Variants in CELF2 observed in about 807,000 individuals in gnomAD.
CELF2 encodes CUGBP Elav-like family member 2.
CELF2 carries 8 observed loss-of-function variants against 62.6 expected under a neutral mutation model. The ratio of observed to expected loss-of-function variants is 0.13; its 90% CI spans 0.07 to 0.23. CELF2 has a LOEUF of 0.23. CELF2 is among the 10% of genes least tolerant of loss of function. CELF2 has a pLI of 1.00. For synonymous variants in CELF2, 258 were observed against 250.0 expected (o/e 1.03, Z -0.30); for missense variants, 333 against 671.0 (o/e 0.50, Z 5.56).
intron 2 of CELF2, among the ~76,000 whole-genome samples, chr10:10,991,352 G>A (rs1213079061): frequency 6.6e-6 from 1 of 152,138 alleles, no homozygotes; most frequent in Non-Finnish European, 1.5e-5. Context: ...CTGATGACAG[G>A]CCTATGAGGC....
intron 1 of CELF2, among the ~76,000 whole-genome samples, chr10:10,913,261 T>C (rs2063971051): frequency 6.6e-6 from 1 of 152,116 alleles, no homozygotes; most frequent in East Asian, 1.9e-4. Context: ...TTAGATTTTG[T>C]TTAACAGAGA....
In CELF2 at chr10:11,237,691, A is replaced by G. The variant is rs1189402677; in HGVS notation, c.355-11462A>G. On this transcript the variant is annotated intron_variant, in intron 3 of 12. Coordinates refer to ENST00000633077, the MANE Select transcript of CELF2 (RefSeq NM_001326342.2). The surrounding 1 kb of genome is among the most constrained non-coding windows in gnomAD (Gnocchi z 4.0). ...GGGGCTTTGTTCATCCCAGTTCCCA[A>G]GATGTCGAGAACTGAGTCACAGTGA... Among the ~76,000 whole-genome samples the G allele has an allele frequency of 6.6e-6, 1 of 152,276 alleles. No individual in the cohort carries two copies.
At chr10:11,163,678 TAGAC>T (rs2066263525) in intron 1 of CELF2, among the ~76,000 whole-genome samples, 1 of 152,338 alleles carries the variant, frequency 6.6e-6, no homozygotes, top group Non-Finnish European at 1.5e-5. Context: ...TGCTTCAAGT[TAGAC>T]AGTCTGATTG....
At chr10:10,885,540 C>T (rs2061696464) in intron 1 of CELF2, among the ~76,000 whole-genome samples, 1 of 151,932 alleles carries the variant, frequency 6.6e-6, no homozygotes, top group Admixed American at 6.6e-5. Flanking sequence ...AGGAAGCAAG[C>T]TCACAGAACA....
intron 4 of CELF2, among the ~76,000 whole-genome samples, chr10:11,254,354 C>T (rs934608312): frequency 1.9e-4 from 29 of 152,356 alleles, no homozygotes; most frequent in South Asian, 8.3e-4. Context: ...CGCACAGGTG[C>T]GCTCACACGC....
At chr10:11,116,586 G>T (rs2056613106) in intron 1 of CELF2, among the ~76,000 whole-genome samples, 1 of 152,222 alleles carries the variant, frequency 6.6e-6, no homozygotes, top group South Asian at 2.1e-4. Context: ...AAATCAGTTG[G>T]TGGTTTTCGA....
At chr10:10,470,407 G>C in the CELF2 span, among the ~76,000 whole-genome samples, 1 of 151,674 alleles carries the variant, frequency 6.6e-6, no homozygotes, top group Non-Finnish European at 1.5e-5. Flanking sequence ...GATCTCACTA[G>C]ACAAAAATCA....
At chr10:10,649,789 T>C in the CELF2 span, among the ~76,000 whole-genome samples, 4 of 152,180 alleles carry the variant, frequency 2.6e-5, no homozygotes, top group African/African-American at 7.2e-5. Flanking sequence ...GCGTGTAGTG[T>C]AGGTAAACTG....
intron 3 of CELF2, among the ~76,000 whole-genome samples, chr10:11,221,511 G>A (rs1206185865): frequency 6.6e-6 from 1 of 152,202 alleles, no homozygotes; most frequent in African/African-American, 2.4e-5. Context: ...TGTCAGCACC[G>A]TGCTGGGTGT....
the CELF2 span, among the ~76,000 whole-genome samples, chr10:10,697,027 T>G: frequency 2.6e-5 from 4 of 152,116 alleles, no homozygotes; most frequent in African/African-American, 9.7e-5. Context: ...AGGTACATGT[T>G]CAAGGATTAG....
At position 10,814,214 on chromosome 10, in the gene CELF2, T is replaced by TAAAAAAAAAAAAAAAA. The variant is rs759524110; in HGVS notation, c.53+15408_53+15423dup. On this transcript the variant is annotated intron_variant, in intron 1 of 13. Transcript: ENST00000636488. ...AAGGAAGAAAGGGAAAGAAGAGTCC[T>TAAAAAAAAAAAAAAAA]AAAAAAAAAAAAAAAAAAAAAAAAA... Among the ~76,000 whole-genome samples, 2 of 44,434 alleles carry TAAAAAAAAAAAAAAAA rather than the reference T, an allele frequency of 4.5e-5. 1 individual carries two copies. The highest frequency in any genetic ancestry group is 1.8e-4 in the African/African-American group (2 of 10,998). 29.2% of individuals were successfully genotyped at this position (44,434 alleles called of 152,430 possible).
chr10:10,788,596 G>A, the CELF2 span, among the ~76,000 whole-genome samples: 1 of 150,888 alleles, frequency 6.6e-6, no homozygotes, highest in African/African-American at 2.4e-5. Context: ...CCAAGTAGCT[G>A]GGATCACAGG....
chr10:10,750,645 C>T, the CELF2 span, among the ~76,000 whole-genome samples: 5 of 152,214 alleles, frequency 3.3e-5, no homozygotes, highest in South Asian at 4.1e-4. Flanking sequence ...AATTTATTCA[C>T]GCAAATACAC....
chr10:10,859,386 T>G (rs560597969), intron 1 of CELF2, among the ~76,000 whole-genome samples: 1 of 152,290 alleles, frequency 6.6e-6, no homozygotes, highest in East Asian at 1.9e-4. Flanking sequence ...AAGTGAGTCT[T>G]AACAGTCCTT....
chr10:10,766,274 C>T, the CELF2 span, among the ~76,000 whole-genome samples: 1 of 152,192 alleles, frequency 6.6e-6, no homozygotes, highest in African/African-American at 2.4e-5. Context: ...CTGAGTCCTT[C>T]ACAGACCAGC....
chr10:10,726,852 A>G, the CELF2 span, among the ~76,000 whole-genome samples: 2 of 152,210 alleles, frequency 1.3e-5, no homozygotes, highest in South Asian at 2.1e-4. Flanking sequence ...TGGTTCATTT[A>G]TAGAGAAAAG....
chr10:10,779,457 T>C, the CELF2 span, among the ~76,000 whole-genome samples: 13 of 152,274 alleles, frequency 8.5e-5, no homozygotes, highest in Admixed American at 8.5e-4. Flanking sequence ...TGACAAACCT[T>C]CCTGATTCTC....
chr10:10,867,997 C>T (rs533707363), intron 1 of CELF2, among the ~76,000 whole-genome samples: 14 of 152,294 alleles, frequency 9.2e-5, no homozygotes, highest in African/African-American at 3.4e-4. Context: ...AATTTCCCAC[C>T]CATACAATCT....
chr10:11,032,332 T>C (rs2060262131), intron 1 of CELF2, among the ~76,000 whole-genome samples: 2 of 151,776 alleles, frequency 1.3e-5, no homozygotes, highest in African/African-American at 4.9e-5. Context: ...TTAAAGAGAA[T>C]CTAGCTGGAT....
Sources: allele counts gnomAD v4.1 joint callset (sites outside exome capture counted in the v4.1 genomes callset), GRCh38; gene constraint gnomAD v4.1.1; non-coding constraint Gnocchi (gnomAD v3.1); transcripts MANE v1.5; gene names NCBI Gene and HGNC (gene_info 2026-07-23, HGNC 2026-07-21).